GRHL2: variants seen among roughly 807,000 people sequenced by gnomAD.
GRHL2 encodes grainyhead like transcription factor 2, also known as grainyhead-like protein 2 homolog.
A neutral mutation model predicts 83.8 loss-of-function variants in GRHL2; 21 were observed. That is an observed-to-expected ratio of 0.25 (90% CI 0.18 to 0.36). The LOEUF (loss-of-function observed/expected upper bound fraction) is 0.36. Among genes scored for constraint, GRHL2 ranks in the 10% least tolerant of loss-of-function variants. GRHL2 has a pLI of 1.00. For missense variants in GRHL2, 623 were observed against 781.8 expected (o/e 0.80, Z 2.42); for synonymous variants, 280 against 278.9 (o/e 1.00, Z -0.04).
chr8:101,568,840 T>A (rs1811767862), intron 4 of GRHL2, among the ~76,000 whole-genome samples: 1 of 152,150 alleles, frequency 6.6e-6, no homozygotes, highest in African/African-American at 2.4e-5. Context: ...GGGATTCATG[T>A]GGGTAAAATT....
chr8:101,652,481 ATG>A (rs1813674619), intron 14 of GRHL2, among the ~76,000 whole-genome samples: 2 of 14,066 alleles, frequency 1.4e-4, no homozygotes, highest in South Asian at 2.6e-3. Flanking sequence ...TGTGTGTGGT[ATG>A]TGTGTATGTG....
At chr8:101,618,251 C>A (rs1465973510) in intron 8 of GRHL2, among the ~76,000 whole-genome samples, 1 of 152,080 alleles carries the variant, frequency 6.6e-6, no homozygotes, top group Non-Finnish European at 1.5e-5. Flanking sequence ...CATTTACACT[C>A]CTCCCTCTCT....
chr8:101,595,817 G>A (rs965924792), intron 7 of GRHL2, among the ~76,000 whole-genome samples: 6 of 152,016 alleles, frequency 3.9e-5, no homozygotes. Flanking sequence ...ATAAATAAAT[G>A]CATTTTTAAA....
chr8:101,601,215 C>CAA (rs1563601574), intron 8 of GRHL2, among the ~76,000 whole-genome samples: 76 of 148,378 alleles, frequency 5.1e-4, no homozygotes, highest in Non-Finnish European at 7.1e-4. Flanking sequence ...ACCACCACCA[C>CAA]CAACAACAAC....
rs1554599109 is a variant in GRHL2, at chr8:101,669,266, T to TTTTTTTTTTTTTTTAA, written c.*2563_*2564insTTTTTTTTTTTTTTAA. 6.6e-6 allele frequency: 1 copy of TTTTTTTTTTTTTTTAA among 150,774 alleles called. No homozygotes were observed. Among genetic ancestry groups the TTTTTTTTTTTTTTTAA allele is most frequent in the East Asian group, 1.9e-4 (1 of 5,192 alleles). The allele number at this position is 150,774 out of a possible 1,614,324, so 9.3% of individuals were successfully genotyped here. On this transcript the variant is annotated 3_prime_UTR_variant, in exon 16 of 16. Transcript: ENST00000646743. ...TGAGCATTTTTTTCTTTTTTTTTTT[T>TTTTTTTTTTTTTTTAA]AACAAAGTCTGAACTGAACAGAACA...
chr8:101,609,263 A>G (rs1357926458), intron 8 of GRHL2, among the ~76,000 whole-genome samples: 2 of 150,718 alleles, frequency 1.3e-5, no homozygotes, highest in South Asian at 4.1e-4. Flanking sequence ...CCAAAGTCCA[A>G]TGGTTTAGGC....
At chr8:101,536,576 A>G (rs1811049289) in intron 1 of GRHL2, among the ~76,000 whole-genome samples, 1 of 152,230 alleles carries the variant, frequency 6.6e-6, no homozygotes, top group Non-Finnish European at 1.5e-5. Context: ...ATCCAGGGTA[A>G]CACAGCCAAT....
intron 14 of GRHL2, among the ~76,000 whole-genome samples, chr8:101,659,062 TGATA>T (rs1222748649): frequency 1.3e-5 from 2 of 152,218 alleles, no homozygotes; most frequent in Non-Finnish European, 2.9e-5. Flanking sequence ...CTGGTTATAT[TGATA>T]TTTATCATCA....
intron 6 of GRHL2, among the ~76,000 whole-genome samples, chr8:101,574,067 T>A (rs1811883517): frequency 6.6e-6 from 1 of 152,168 alleles, no homozygotes; most frequent in Non-Finnish European, 1.5e-5. Context: ...TCCGAGGAAT[T>A]TTCCCGCTTC....
intron 6 of GRHL2, among the ~76,000 whole-genome samples, chr8:101,576,043 G>A (rs916216808): frequency 2.0e-5 from 3 of 152,188 alleles, no homozygotes; most frequent in African/African-American, 7.2e-5. Context: ...GCCAGCCACC[G>A]GCATGTATTT....
At chr8:101,567,002 G>A (rs1811732349) in intron 4 of GRHL2, among the ~76,000 whole-genome samples, 2 of 152,134 alleles carry the variant, frequency 1.3e-5, no homozygotes, top group African/African-American at 4.8e-5. Flanking sequence ...TATTGAAAGA[G>A]TGAATGGGTA....
intron 8 of GRHL2, among the ~76,000 whole-genome samples, chr8:101,615,981 A>G (rs899857731): frequency 7.9e-5 from 12 of 152,150 alleles, no homozygotes; most frequent in Non-Finnish European, 7.4e-5. Flanking sequence ...ACCATGGAAA[A>G]TCAGTAGGAG....
chr8:101,533,742 A>G (rs376051355), intron 1 of GRHL2, among the ~76,000 whole-genome samples: 2 of 152,202 alleles, frequency 1.3e-5, no homozygotes, highest in East Asian at 3.8e-4. Context: ...GATTTGGACA[A>G]AAGCTTAAAG....
chr8:101,554,170 G>C (rs1032887634), intron 3 of GRHL2, among the ~76,000 whole-genome samples: 3 of 152,130 alleles, frequency 2.0e-5, no homozygotes, highest in African/African-American at 7.2e-5. Context: ...GCATCTCCAG[G>C]GCGCAACCCC....
chr8:101,512,783 T>C (rs1782066617), intron 1 of GRHL2, among the ~76,000 whole-genome samples: 1 of 152,202 alleles, frequency 6.6e-6, no homozygotes, highest in Non-Finnish European at 1.5e-5. Flanking sequence ...AATGGTGCCG[T>C]TGGTTTCTTG....
At chr8:101,607,454 G>T (rs1812654544) in intron 8 of GRHL2, among the ~76,000 whole-genome samples, 1 of 152,192 alleles carries the variant, frequency 6.6e-6, no homozygotes, top group Non-Finnish European at 1.5e-5. Flanking sequence ...TTTGTCTGGG[G>T]AGTTCTCTTT....
At chr8:101,589,664 T>C (rs574765076) in intron 7 of GRHL2, among the ~76,000 whole-genome samples, 1 of 152,200 alleles carries the variant, frequency 6.6e-6, no homozygotes, top group Non-Finnish European at 1.5e-5. Context: ...AAATATTAGA[T>C]GTAGCCTAAA....
At chr8:101,617,285 T>A (rs1812875867) in intron 8 of GRHL2, among the ~76,000 whole-genome samples, 1 of 152,174 alleles carries the variant, frequency 6.6e-6, no homozygotes, top group African/African-American at 2.4e-5. Context: ...AATCAGCCTG[T>A]CACTAAGCCC....
chr8:101,504,505 C>T (rs1237554709), intron 1 of GRHL2, among the ~76,000 whole-genome samples: 1 of 152,092 alleles, frequency 6.6e-6, no homozygotes, highest in Non-Finnish European at 1.5e-5. Context: ...CTGGCCTCAC[C>T]ACCTCAGACC....
Sources: allele counts gnomAD v4.1 joint callset (sites outside exome capture counted in the v4.1 genomes callset), GRCh38; gene constraint gnomAD v4.1.1; transcripts MANE v1.5; gene names NCBI Gene and HGNC (gene_info 2026-07-23, HGNC 2026-07-21).